CD151: variants seen among roughly 807,000 people sequenced by gnomAD.
CD151 encodes CD151 molecule (Raph blood group).
A neutral mutation model predicts 34.2 loss-of-function variants in CD151; 20 were observed. The ratio of observed to expected loss-of-function variants is 0.58; its 90% CI spans 0.41 to 0.85. CD151 has a LOEUF of 0.85. Among genes scored for constraint, CD151 ranks in the 40% least tolerant of loss-of-function variants. The probability of loss-of-function intolerance (pLI) is 0.00; values close to 1 mark genes in which losing one functional copy is unlikely to be tolerated. For synonymous variants in CD151, 157 were observed against 131.7 expected (o/e 1.19, Z -1.32); for missense variants, 306 against 324.5 (o/e 0.94, Z 0.44).
intron 5 of CD151, 165 bp downstream of exon 5, chr11:837,008 C>CA: frequency 2.9e-6 from 2 of 684,354 alleles, no homozygotes; most frequent in Non-Finnish European, 5.2e-6. Flanking sequence ...TGCAGGGGCA[C>CA]ATGGGGTCAG....
At position 836,307 on chromosome 11, in the gene CD151, C is replaced by T. The variant is rs1846763108; in HGVS notation, c.141C>T (p.Asp47=). The change falls in exon 4 of 9, where the codon GAC becomes GAT. Residue 47 remains aspartate, a synonymous_variant. Transcript: ENST00000397420. ...VGIWTLALKS[D]YISLLASGTY... ...TCTGGACGCTGGCCCTCAAGAGTGA[C>T]TACATCAGCCTGCTGGCCTCAGGCA... 6.2e-7 allele frequency: 1 copy of T among 1,612,654 alleles called. No homozygotes were observed. Among genetic ancestry groups the T allele is most frequent in the African/African-American group, 1.3e-5 (1 of 74,926 alleles).
At chr11:838,068 A>C in intron 8 of CD151, 40 bp downstream of exon 8, 1 of 1,608,816 alleles carries the variant, frequency 6.2e-7, no homozygotes, top group Non-Finnish European at 8.5e-7. Flanking sequence ...TGTTGGGGAC[A>C]CGGGGCAGGG....
chr11:837,223 C>T (rs1846807938), intron 5 of CD151, 27 bp from the exon 6 acceptor site: 5 of 1,588,020 alleles, frequency 3.1e-6, no homozygotes, highest in Non-Finnish European at 4.3e-6. Flanking sequence ...TAGACTGAGG[C>T]TGAAGTTTCC....
rs1218473834 is a variant in CD151 at position 836,298 on chromosome 11, CAA to C, written c.133_134del (p.Lys45GlufsTer2). The C allele has an allele frequency of 1.2e-6, 2 of 1,612,654 alleles. No homozygotes were observed. The highest frequency in any genetic ancestry group is 2.7e-5 in the African/African-American group (2 of 74,920). On this transcript the variant is annotated frameshift_variant, in exon 4 of 9. Transcript: ENST00000397420. LOFTEE classifies it high-confidence loss of function. The part of the protein sequence containing the change: ...MAVGIWTLAL[K>X]SDYISLLASG... The stretch of plus-strand genomic sequence containing the variant: ...CAGTGGGCATCTGGACGCTGGCCCT[CAA>C]GAGTGACTACATCAGCCTGCTGGCC...
chr11:834,986 G>A (rs1443810503), intron 2 of CD151: 2 of 152,470 alleles, frequency 1.3e-5, no homozygotes, highest in Non-Finnish European at 2.9e-5. Context: ...CTACCCCTCT[G>A]CTGTCTGAGT....
chr11:838,289 T>C lies in CD151; in HGVS notation c.*97T>C. 1.8e-5 allele frequency: 19 copies of C among 1,037,044 alleles called. No homozygotes were observed. The highest frequency in any genetic ancestry group is 2.7e-5 in the Non-Finnish European group (18 of 666,678). The allele number at this position is 1,037,044 out of a possible 1,614,324, so 64.2% of individuals were successfully genotyped here. A position where few individuals can be genotyped will look rare whatever the true frequency, so the allele number is the denominator to read the frequency against. ...CCCTGATGACACCCACCCTGTGCCA[T>C]CACCATAACCTCTGGGGACCCCAAC... On this transcript the variant is annotated 3_prime_UTR_variant, in exon 9 of 9. Transcript: ENST00000397420.
At position 837,006 on chromosome 11, in the gene CD151, C is replaced by T. The variant is rs185487588; in HGVS notation, c.351+163C>T. 1,854 of 683,250 alleles carry T rather than the reference C, an allele frequency of 2.7e-3. 5 individuals are homozygous for T. Among genetic ancestry groups the T allele is most frequent in the Non-Finnish European group, 3.8e-3 (1,469 of 382,720 alleles). 42.3% of individuals were successfully genotyped at this position (683,250 alleles called of 1,614,324 possible). A position where few individuals can be genotyped will look rare whatever the true frequency, so the allele number is the denominator to read the frequency against. On this transcript the variant is annotated intron_variant, in intron 5 of 8. Coordinates refer to ENST00000397420, the MANE Select transcript of CD151 (RefSeq NM_004357.5). ...GATGGGGTCTAGGTCTCTGCAGGGG[C>T]ACATGGGGTCAGGCAGGTGTCCAGG...
chr11:837,717 C>G (rs924476383), intron 7 of CD151, 99 bp downstream of exon 7: 11 of 1,276,786 alleles, frequency 8.6e-6, no homozygotes, highest in Admixed American at 1.9e-5. Flanking sequence ...CCAATATCTA[C>G]CAGGAGGTGG....
chr11:834,875 C>G (rs1457174304), intron 2 of CD151: 1 of 152,770 alleles, frequency 6.5e-6, no homozygotes, highest in Non-Finnish European at 1.5e-5. Context: ...ACGCTCCATT[C>G]TCCCCACCCC....
At chr11:836,717 G>A in intron 4 of CD151, 52 bp from the exon 5 acceptor site, 1 of 1,561,172 alleles carries the variant, frequency 6.4e-7, no homozygotes, top group Non-Finnish European at 8.8e-7. Context: ...AGGTGCACTA[G>A]GTCTAGGCAC....
rs1157947142 is a variant in CD151, at chr11:836,861, G to A, written c.351+18G>A. The A allele has an allele frequency of 1.9e-6, 3 of 1,609,676 alleles. No homozygotes were observed. In the East Asian group the frequency reaches 6.7e-5, roughly 36 times the overall value. On this transcript the variant is annotated intron_variant, in intron 5 of 8. Coordinates refer to ENST00000397420, the MANE Select transcript of CD151 (RefSeq NM_004357.5). The stretch of plus-strand genomic sequence containing the variant: ...ACCAGCAGGTGAGGGGCCTGGGCAG[G>A]CCATTCAGAGACACAGACATGCACA...
intron 7 of CD151, 116 bp from the exon 8 acceptor site, chr11:837,826 G>A: frequency 1.1e-6 from 1 of 886,474 alleles, no homozygotes. Context: ...GCTGTTGGTG[G>A]CCTGGCTGCC....
rs1320528188 is a variant in CD151, at chr11:838,449, A to AG, written c.*259dup. The AG allele has an allele frequency of 1.7e-6, 1 of 586,610 alleles. No individual in the cohort carries two copies. The highest frequency in any genetic ancestry group is 3.0e-6 in the Non-Finnish European group (1 of 328,760). The allele number at this position is 586,610 out of a possible 1,614,324, so 36.3% of individuals were successfully genotyped here. On this transcript the variant is annotated 3_prime_UTR_variant, in exon 9 of 9. Transcript: ENST00000397420. ...CACTCTCTGCCTGGTGGTCAGATGCAGGTTGGAAGGGGCCTTGCTGAGTGG... is the reference window on the plus strand; with the variant it reads ...CACTCTCTGCCTGGTGGTCAGATGCAGGGTTGGAAGGGGCCTTGCTGAGTGG...
intron 2 of CD151, chr11:834,940 C>T (rs1846693299): frequency 1.3e-5 from 2 of 152,414 alleles, no homozygotes; most frequent in South Asian, 4.1e-4. Flanking sequence ...GCCTGGAGAG[C>T]TTAGGAAGGG....
Position 837,459 on chromosome 11 carries a change from G to T in CD151, c.457-1G>T. 2 of 1,612,918 alleles carry T rather than the reference G, an allele frequency of 1.2e-6. No homozygotes were observed. The highest frequency in any genetic ancestry group is 1.7e-6 in the Non-Finnish European group (2 of 1,179,934). On this transcript the variant is annotated splice_acceptor_variant, in intron 6 of 8. Coordinates refer to ENST00000397420, the MANE Select transcript of CD151 (RefSeq NM_004357.5). LOFTEE classifies it high-confidence loss of function. The stretch of plus-strand genomic sequence containing the variant: ...CAACCCCAGCCTTGTTCTTGATGCA[G>T]TTCCACTGCTGTGGCAGCAACAACT...
rs1156684597 is a variant in CD151 at position 838,194 on chromosome 11, C to T, written c.*2C>T. The T allele has an allele frequency of 1.2e-6, 2 of 1,611,990 alleles. No homozygotes were observed. The highest frequency in any genetic ancestry group is 2.2e-5 in the South Asian group (2 of 91,064). ...AGTCTCAAGCTGGAGCACTACTGAC[C>T]CTGCCTTGGGCCTTGCTGCTGCTGC... On this transcript the variant is annotated 3_prime_UTR_variant, in exon 9 of 9. Coordinates refer to ENST00000397420, the MANE Select transcript of CD151 (RefSeq NM_004357.5).
At chr11:836,611 G>C in intron 4 of CD151, 158 bp from the exon 5 acceptor site, 1 of 848,334 alleles carries the variant, frequency 1.2e-6, no homozygotes. Context: ...GACCAGCTGA[G>C]GGAAGACACC....
rs28655651 is a variant in CD151 at position 837,121 on chromosome 11, G to C, written c.352-129G>C. 0.68 allele frequency: 521,903 copies of C among 767,720 alleles called. 181,238 individuals are homozygous for C. Among genetic ancestry groups the C allele is most frequent in the East Asian group, 0.89 (34,175 of 38,318 alleles). 47.6% of individuals were successfully genotyped at this position (767,720 alleles called of 1,614,324 possible). A position where few individuals can be genotyped will look rare whatever the true frequency, so the allele number is the denominator to read the frequency against. On this transcript the variant is annotated intron_variant, in intron 5 of 8. Coordinates refer to ENST00000397420, the MANE Select transcript of CD151 (RefSeq NM_004357.5). ...ACCCAACCTCCCCTCATGCCGAGGT[G>C]TGACCTCAGCCCTTCCCTGTGGCTC...
Position 836,834 on chromosome 11 carries a change from C to A in CD151, c.342C>A (p.Tyr114Ter). Residue 114 changes from tyrosine to a stop codon, truncating the protein, a stop_gained, in exon 5 of 9, where the codon TAC becomes TAA. Coordinates refer to ENST00000397420, the MANE Select transcript of CD151 (RefSeq NM_004357.5). LOFTEE classifies it high-confidence loss of function. ...TCGCTGGTATCCTCGCCTACGCCTA[C>A]TACCAGCAGGTGAGGGGCCTGGGCA... ...EIIAGILAYAYYQQLNTELKE... is the reference protein window; with the variant it reads ...EIIAGILAYA The A allele has an allele frequency of 6.2e-7, 1 of 1,612,660 alleles. No homozygotes were observed. Among genetic ancestry groups the A allele is most frequent in the East Asian group, 2.2e-5 (1 of 44,886 alleles).
Sources: allele counts gnomAD v4.1 joint callset, GRCh38; gene constraint gnomAD v4.1.1; transcripts MANE v1.5; gene names NCBI Gene and HGNC (gene_info 2026-07-23, HGNC 2026-07-21).